TRIB2: variants seen among roughly 807,000 people sequenced by gnomAD.
The protein encoded by TRIB2 is tribbles homolog 2.
Under a neutral mutation model 26.8 loss-of-function variants are expected in TRIB2, and 2 were observed. The observed-to-expected ratio is 0.07, with a 90% CI of 0.03 to 0.24. The LOEUF is 0.24. Among genes scored for constraint, TRIB2 ranks in the 10% least tolerant of loss-of-function variants. TRIB2 has a pLI of 1.00. For missense variants in TRIB2, 306 were observed against 449.0 expected, an observed-to-expected ratio of 0.68 and a Z score of 2.88; for synonymous variants, 189 against 187.3, an observed-to-expected ratio of 1.01 and a Z score of -0.08.
intron 2 of TRIB2, among the ~76,000 whole-genome samples, chr2:12,725,385 C>A (rs1032790242): frequency 6.6e-6 from 1 of 152,212 alleles, no homozygotes; most frequent in Non-Finnish European, 1.5e-5. Context: ...GTCTGTGTGG[C>A]ACTCTCTTGG....
At chr2:12,734,707 AG>A (rs1661532550) in intron 2 of TRIB2, among the ~76,000 whole-genome samples, 1 of 152,204 alleles carries the variant, frequency 6.6e-6, no homozygotes, top group Non-Finnish European at 1.5e-5. Context: ...CTGTCTCCCC[AG>A]TGCCTAGTTG....
Position 12,718,602 on chromosome 2 carries a change from T to C in TRIB2, c.270+25T>C, listed in dbSNP as rs1353224577. On this transcript the variant is annotated intron_variant, in intron 1 of 2. Coordinates refer to ENST00000155926, the MANE Select transcript of TRIB2 (RefSeq NM_021643.4). This position sits in a 1 kb window ranked among gnomAD's most constrained non-coding sequence, Gnocchi z 4.0. Reference sequence around the variant, plus strand: ...GGTAAAGGGCCAGTGGGTTGCTTTTTGTCTTTGGAAGGGGCCCGAGGGAGC... The same window carrying C: ...GGTAAAGGGCCAGTGGGTTGCTTTTCGTCTTTGGAAGGGGCCCGAGGGAGC... The C allele has an allele frequency of 6.2e-7, 1 of 1,602,526 alleles. No homozygotes were observed. Among genetic ancestry groups the C allele is most frequent in the African/African-American group, 1.3e-5 (1 of 74,620 alleles).
chr2:12,735,441 G>A (rs931936279), intron 2 of TRIB2, among the ~76,000 whole-genome samples: 1 of 152,016 alleles, frequency 6.6e-6, no homozygotes, highest in Non-Finnish European at 1.5e-5. Context: ...ACCCTGGTGT[G>A]GTTTCCTCCG....
rs768612987 is a variant in TRIB2 at position 12,718,272 on chromosome 2, GTTTT to G, written c.-30_-27del. 4 of 1,578,560 alleles carry G rather than the reference GTTTT, an allele frequency of 2.5e-6. No homozygotes were observed. In the African/African-American group the frequency reaches 4.1e-5, roughly 16 times the overall value. On this transcript the variant is annotated 5_prime_UTR_variant, in exon 1 of 3. Transcript: ENST00000155926. This position sits in a 1 kb window ranked among gnomAD's most constrained non-coding sequence, Gnocchi z 4.0. Reference sequence around the variant, plus strand: ...CGCCAGCGACTCATCTCTCCAGCGGGTTTTTTTTTGTTTGTCGTGTGCGATCCTC... The same window carrying G: ...CGCCAGCGACTCATCTCTCCAGCGGGTTTTTGTTTGTCGTGTGCGATCCTC...
intron 2 of TRIB2, among the ~76,000 whole-genome samples, chr2:12,728,378 A>T (rs989468694): frequency 6.7e-6 from 1 of 148,922 alleles, no homozygotes; most frequent in African/African-American, 2.5e-5. Flanking sequence ...GGCTCACTCA[A>T]GATGCGAAGA....
At chr2:12,736,342 G>A (rs1863175) in intron 2 of TRIB2, among the ~76,000 whole-genome samples, 29,723 of 151,926 alleles carry the variant, frequency 0.2, 4,712 homozygotes, top group African/African-American at 0.44. Context: ...GGAGATGGTC[G>A]AGAGTCCCTT....
At chr2:12,724,471 C>T (rs977570244) in intron 2 of TRIB2, among the ~76,000 whole-genome samples, 1 of 152,218 alleles carries the variant, frequency 6.6e-6, no homozygotes, top group African/African-American at 2.4e-5. Context: ...ATTCATTGCT[C>T]ACCGTAGTTC....
At chr2:12,725,207 G>A (rs966120370) in intron 2 of TRIB2, among the ~76,000 whole-genome samples, 4 of 152,214 alleles carry the variant, frequency 2.6e-5, no homozygotes, top group African/African-American at 9.6e-5. Context: ...TGTCGTCTTT[G>A]ATTGTGTTTC....
In TRIB2 at chr2:12,736,877, G is replaced by A. The variant is rs180788683; in HGVS notation, c.564-3449G>A. ...CCCATGCTGAAAAGAGGAGGAGGGC[G>A]TGCTCCGTAATGTAGGATGGACAGG... On this transcript the variant is annotated intron_variant, in intron 2 of 2. Transcript: ENST00000155926. Among the ~76,000 whole-genome samples the A allele has an allele frequency of 7.9e-5, 12 of 152,318 alleles. No individual in the cohort carries two copies. In the East Asian group the frequency reaches 9.6e-4, roughly 12 times the overall value.
intron 1 of TRIB2, among the ~76,000 whole-genome samples, chr2:12,720,506 G>C (rs887716263): frequency 6.6e-6 from 1 of 152,176 alleles, no homozygotes. Context: ...CTCCAAGAGA[G>C]TTTTATAAGG....
chr2:12,731,590 TGAG>T (rs1227442060), intron 2 of TRIB2, among the ~76,000 whole-genome samples: 1 of 152,088 alleles, frequency 6.6e-6, no homozygotes, highest in Non-Finnish European at 1.5e-5. Context: ...TTACAAACAA[TGAG>T]GAGGAGAGTG....
Position 12,733,168 on chromosome 2 carries a change from G to T in TRIB2, c.564-7158G>T, listed in dbSNP as rs1260229097. Among the ~76,000 whole-genome samples, 2 of 152,196 alleles carry T rather than the reference G, an allele frequency of 1.3e-5. 1 individual carries two copies. Among genetic ancestry groups the T allele is most frequent in the South Asian group, 4.1e-4 (2 of 4,826 alleles). On this transcript the variant is annotated intron_variant, in intron 2 of 2. Coordinates refer to ENST00000155926, the MANE Select transcript of TRIB2 (RefSeq NM_021643.4). ...GGTTTGAATCCCAGCTCTGTCACTG[G>T]CTTGCGAGGTGGCCTTGGACAAGTC...
chr2:12,740,585 G>A lies in TRIB2; in HGVS notation c.823G>A (p.Glu275Lys). 6.2e-7 allele frequency: 1 copy of A among 1,614,174 alleles called. No homozygotes were observed. The highest frequency in any genetic ancestry group is 8.5e-7 in the Non-Finnish European group (1 of 1,180,040). ...CCGGCGTGGCCAGTTCAACATTCCA[G>A]AGACTCTGTCGCCCAAGGCCAAGTG... The part of the protein sequence containing the change: ...KIRRGQFNIP[E>K]TLSPKAKCLI... Residue 275 changes from glutamate to lysine, a missense_variant, in exon 3 of 3, where the codon GAG (glutamate) becomes AAG (lysine). By Grantham distance (56) the Glu-to-Lys change is moderately conservative. Coordinates refer to ENST00000155926, the MANE Select transcript of TRIB2 (RefSeq NM_021643.4). The surrounding 1 kb of genome is among the most constrained non-coding windows in gnomAD (Gnocchi z 5.8).
At chr2:12,735,793 G>A (rs952705234) in intron 2 of TRIB2, among the ~76,000 whole-genome samples, 30 of 152,068 alleles carry the variant, frequency 2.0e-4, no homozygotes, top group Non-Finnish European at 4.1e-4. Flanking sequence ...AGCATGTGCC[G>A]AACCAAATGT....
Position 12,718,067 on chromosome 2 carries a change from CAAAA to C in TRIB2, c.-239_-236del. ...CACATCGCCGACTGCTTTGGGGTAA[CAAAA>C]AGACCCGAGTTGCCTGCCGACCGAG... On this transcript the variant is annotated 5_prime_UTR_variant, in exon 1 of 3. Coordinates refer to ENST00000155926, the MANE Select transcript of TRIB2 (RefSeq NM_021643.4). The surrounding 1 kb of genome is among the most constrained non-coding windows in gnomAD (Gnocchi z 4.0). 1 of 574,358 alleles carries C rather than the reference CAAAA, an allele frequency of 1.7e-6. No homozygotes were observed. The highest frequency in any genetic ancestry group is 3.1e-6 in the Non-Finnish European group (1 of 326,468). 35.6% of individuals were successfully genotyped at this position (574,358 alleles called of 1,614,324 possible).
chr2:12,731,684 G>A (rs925938727), intron 2 of TRIB2, among the ~76,000 whole-genome samples: 1 of 152,166 alleles, frequency 6.6e-6, no homozygotes, highest in Non-Finnish European at 1.5e-5. Flanking sequence ...CATTCATTAC[G>A]TGCCTACGCG....
chr2:12,726,525 T>C (rs1010751913), intron 2 of TRIB2, among the ~76,000 whole-genome samples: 2 of 152,194 alleles, frequency 1.3e-5, no homozygotes, highest in East Asian at 1.9e-4. Context: ...TCCACCCTAA[T>C]TGCATCACTT....
intron 2 of TRIB2, chr2:12,724,729 A>G (rs751935232): frequency 6.2e-7 from 1 of 1,612,642 alleles, no homozygotes; most frequent in South Asian, 1.1e-5. Context: ...CCCTCCCCCT[A>G]CCAGCCTCAT....
chr2:12,730,941 A>T (rs1379618616), intron 2 of TRIB2, among the ~76,000 whole-genome samples: 1 of 152,146 alleles, frequency 6.6e-6, no homozygotes, highest in Non-Finnish European at 1.5e-5. Context: ...AGTCTTGCCT[A>T]GATGCCGTGA....
Sources: allele counts gnomAD v4.1 joint callset (sites outside exome capture counted in the v4.1 genomes callset), GRCh38; gene constraint gnomAD v4.1.1; non-coding constraint Gnocchi (gnomAD v3.1); transcripts MANE v1.5; gene names NCBI Gene and HGNC (gene_info 2026-07-23, HGNC 2026-07-21).